DNAL1: variants seen among roughly 807,000 people sequenced by gnomAD.
DNAL1 encodes the protein chromosome 14 open reading frame 168.
DNAL1 carries 17 observed loss-of-function variants against 29.4 expected under a neutral mutation model. That is an observed-to-expected ratio of 0.58 (90% confidence interval 0.40 to 0.87). The LOEUF is 0.87. DNAL1 is among the 40% of genes least tolerant of loss of function. The pLI is 0.00. For synonymous variants in DNAL1, 78 were observed against 76.3 expected, an observed-to-expected ratio of 1.02 and a Z score of -0.12; for missense variants, 188 against 214.1, an observed-to-expected ratio of 0.88 and a Z score of 0.76.
In DNAL1 at chr14:73,699,647, G is replaced by C. The variant is rs1483204077; in HGVS notation, c.*3705G>C. 6.6e-6 allele frequency: 1 copy of C among 152,098 alleles called. No individual in the cohort carries two copies. Among genetic ancestry groups the C allele is most frequent in the Non-Finnish European group, 1.5e-5 (1 of 67,996 alleles). 9.4% of individuals were successfully genotyped at this position (152,098 alleles called of 1,614,324 possible). A position where few individuals can be genotyped will look rare whatever the true frequency, so the allele number is the denominator to read the frequency against. ...TTTTCATGTAATATTAGAAACTCAG[G>C]GCTGGAAGGTTCAACTTCTCTTTTT... On this transcript the variant is annotated 3_prime_UTR_variant, in exon 8 of 8. Transcript: ENST00000553645.
At chr14:73,684,307 A>G (rs1891960712) in intron 5 of DNAL1, among the ~76,000 whole-genome samples, 1 of 152,124 alleles carries the variant, frequency 6.6e-6, no homozygotes, top group African/African-American at 2.4e-5. Context: ...TCTTTTGGCT[A>G]TATACCCTGT....
chr14:73,684,921 G>C (rs74975736), intron 5 of DNAL1, among the ~76,000 whole-genome samples: 2 of 141,204 alleles, frequency 1.4e-5, no homozygotes, highest in Non-Finnish European at 3.3e-5. Flanking sequence ...TAAAAAAATA[G>C]ATTTTATGGC....
chr14:73,674,295 A>G (rs115333167), intron 5 of DNAL1, among the ~76,000 whole-genome samples: 1,710 of 152,140 alleles, frequency 0.011, 30 homozygotes, highest in African/African-American at 0.04. Flanking sequence ...TAAAAACTCT[A>G]TTGCCATGGA....
intron 1 of DNAL1, among the ~76,000 whole-genome samples, chr14:73,649,255 T>C (rs1438046678): frequency 6.6e-6 from 1 of 150,962 alleles, no homozygotes; most frequent in Non-Finnish European, 1.5e-5. Flanking sequence ...ATTACAGGCA[T>C]GAGCCACAGT....
At chr14:73,647,135 G>C (rs554825202) in intron 1 of DNAL1, among the ~76,000 whole-genome samples, 143 of 151,992 alleles carry the variant, frequency 9.4e-4, no homozygotes, top group Middle Eastern at 6.8e-3. Flanking sequence ...GAGGTGGGCG[G>C]ATCACGAGGT....
intron 4 of DNAL1, among the ~76,000 whole-genome samples, chr14:73,669,887 T>G (rs1279529690): frequency 6.6e-6 from 1 of 152,178 alleles, no homozygotes; most frequent in African/African-American, 2.4e-5. Context: ...AGACCACTCT[T>G]AAAATACCTT....
At chr14:73,662,807 CTTTT>C (rs61249050) in intron 4 of DNAL1, among the ~76,000 whole-genome samples, 31,602 of 135,100 alleles carry the variant, frequency 0.23, 4,136 homozygotes, top group Non-Finnish European at 0.34. Context: ...CTGCAAAGTA[CTTTT>C]TTTTTTTTTT....
chr14:73,655,087 G>A (rs1376896143), intron 2 of DNAL1, among the ~76,000 whole-genome samples: 1 of 151,952 alleles, frequency 6.6e-6, no homozygotes, highest in African/African-American at 2.4e-5. Context: ...AGTCATACAT[G>A]CACATGAGCA....
rs542541688 is a variant in DNAL1, at chr14:73,701,803, G to A, written c.*5861G>A. ...ACATTTTAACATCTATGAATACCTTGGTAATAATCTTTTATACACAGGAGT... is the reference window on the plus strand; with the variant it reads ...ACATTTTAACATCTATGAATACCTTAGTAATAATCTTTTATACACAGGAGT... On this transcript the variant is annotated 3_prime_UTR_variant, in exon 8 of 8. Transcript: ENST00000553645. 1 of 151,952 alleles carries A rather than the reference G, an allele frequency of 6.6e-6. No homozygotes were observed. The highest frequency in any genetic ancestry group is 2.4e-5 in the African/African-American group (1 of 41,346). The allele number at this position is 151,952 out of a possible 1,614,324, so 9.4% of individuals were successfully genotyped here. A position where few individuals can be genotyped will look rare whatever the true frequency, so the allele number is the denominator to read the frequency against.
intron 5 of DNAL1, among the ~76,000 whole-genome samples, chr14:73,674,917 C>G (rs1281210475): frequency 4.6e-5 from 7 of 151,318 alleles, no homozygotes; most frequent in African/African-American, 9.7e-5. Context: ...CTCCTGGGCT[C>G]AAGCAGTCCT....
intron 1 of DNAL1, among the ~76,000 whole-genome samples, chr14:73,649,344 G>A (rs1315476227): frequency 2.0e-5 from 3 of 150,124 alleles, no homozygotes; most frequent in Admixed American, 6.7e-5. Context: ...GTGCAGTGGC[G>A]CGATCTCGGC....
At chr14:73,677,516 T>C (rs1891764102) in intron 5 of DNAL1, among the ~76,000 whole-genome samples, 2 of 150,834 alleles carry the variant, frequency 1.3e-5, no homozygotes, top group Admixed American at 1.3e-4. Flanking sequence ...ACTTTGAATG[T>C]CTTTTCTTTA....
At chr14:73,663,169 A>C (rs1023339836) in intron 4 of DNAL1, among the ~76,000 whole-genome samples, 4 of 151,558 alleles carry the variant, frequency 2.6e-5, no homozygotes, top group African/African-American at 9.7e-5. Flanking sequence ...TTTGCAAGAC[A>C]GTATTTACCC....
chr14:73,665,354 C>T (rs1427284571), intron 4 of DNAL1, among the ~76,000 whole-genome samples: 2 of 152,186 alleles, frequency 1.3e-5, no homozygotes, highest in East Asian at 1.9e-4. Flanking sequence ...TAAGCTATTA[C>T]ATTTTATTCT....
intron 5 of DNAL1, among the ~76,000 whole-genome samples, chr14:73,683,103 C>G (rs1795279875): frequency 6.6e-6 from 1 of 151,638 alleles, no homozygotes; most frequent in Admixed American, 6.6e-5. Flanking sequence ...CTCGAACTCC[C>G]TACCTTAGGT....
rs142423223 is a variant in DNAL1 at position 73,691,347 on chromosome 14, C to T, written c.532+1832C>T. On this transcript the variant is annotated intron_variant, in intron 7 of 7. Coordinates refer to ENST00000553645, the MANE Select transcript of DNAL1 (RefSeq NM_031427.4). Reference sequence around the variant, plus strand: ...GGAGGATCACTTGAGGTCAGGAGTTCGAGACCAGCCTGGCCAACATGGTGA... The same window carrying T: ...GGAGGATCACTTGAGGTCAGGAGTTTGAGACCAGCCTGGCCAACATGGTGA... Among the ~76,000 whole-genome samples, 1,244 of 152,000 alleles carry T rather than the reference C, an allele frequency of 8.2e-3. 24 individuals carry two copies. Among genetic ancestry groups the T allele is most frequent in the African/African-American group, 0.028 (1,160 of 41,440 alleles).
intron 2 of DNAL1, among the ~76,000 whole-genome samples, chr14:73,655,641 C>T (rs1251950535): frequency 6.6e-6 from 1 of 151,942 alleles, no homozygotes; most frequent in Non-Finnish European, 1.5e-5. Flanking sequence ...ACCACCGCGC[C>T]CGGCCTACAT....
At chr14:73,649,015 G>C (rs1891049874) in intron 1 of DNAL1, among the ~76,000 whole-genome samples, 1 of 151,884 alleles carries the variant, frequency 6.6e-6, no homozygotes, top group South Asian at 2.1e-4. Context: ...TCACTCTGTT[G>C]CCCAGGCTGG....
At chr14:73,652,026 G>A (rs1362310763) in intron 1 of DNAL1, among the ~76,000 whole-genome samples, 1 of 151,958 alleles carries the variant, frequency 6.6e-6, no homozygotes, top group Non-Finnish European at 1.5e-5. Context: ...CTGTATATGT[G>A]TATGTGTGGT....
Sources: allele counts gnomAD v4.1 joint callset (sites outside exome capture counted in the v4.1 genomes callset), GRCh38; gene constraint gnomAD v4.1.1; transcripts MANE v1.5; gene names NCBI Gene and HGNC (gene_info 2026-07-23, HGNC 2026-07-21).